RPN1: variants seen among roughly 807,000 people sequenced by gnomAD.
RPN1 encodes dolichyl-diphosphooligosaccharide--protein glycosyltransferase subunit 1.
RPN1 carries 12 observed loss-of-function variants against 55.5 expected under a neutral mutation model. The ratio of observed to expected loss-of-function variants is 0.22; its 90% CI spans 0.14 to 0.35. The LOEUF is 0.35. RPN1 is among the 10% of genes least tolerant of loss of function. The pLI, the probability that RPN1 is intolerant of heterozygous loss-of-function variation, is 1.00. For missense variants in RPN1, 679 were observed against 761.3 expected, an observed-to-expected ratio of 0.89 and a Z score of 1.27; for synonymous variants, 317 against 305.9, an observed-to-expected ratio of 1.04 and a Z score of -0.38.
intron 3 of RPN1, among the ~76,000 whole-genome samples, chr3:128,635,306 ATT>A (rs1014479031): frequency 1.4e-5 from 2 of 146,604 alleles, no homozygotes; most frequent in Non-Finnish European, 1.5e-5. Flanking sequence ...ATTCTCTATT[ATT>A]TTTTTTTTTT....
At chr3:128,636,723 A>T (rs1321878899) in intron 3 of RPN1, among the ~76,000 whole-genome samples, 1 of 152,022 alleles carries the variant, frequency 6.6e-6, no homozygotes, top group African/African-American at 2.4e-5. Context: ...CCAGCTTATT[A>T]TTTTTTGTAA....
At chr3:128,627,521 A>C (rs2069608189) in intron 5 of RPN1, among the ~76,000 whole-genome samples, 1 of 152,220 alleles carries the variant, frequency 6.6e-6, no homozygotes, top group Non-Finnish European at 1.5e-5. Context: ...CTGTAATCCC[A>C]GTACTTTGGG....
Position 128,638,119 on chromosome 3 carries a change from A to G in RPN1, c.327-14T>C, listed in dbSNP as rs1404238546. On this transcript the variant is annotated splice_polypyrimidine_tract_variant and intron_variant, in intron 2 of 9. Coordinates refer to ENST00000296255, the MANE Select transcript of RPN1 (RefSeq NM_002950.4). Reference sequence around the variant, plus strand: ...AAGAATCTCCCACTAAAGGAAGAACAAGGCAAGAGAAGTAAGAGAGACTGA... The same window carrying G: ...AAGAATCTCCCACTAAAGGAAGAACGAGGCAAGAGAAGTAAGAGAGACTGA... 2 of 1,599,756 alleles carry G rather than the reference A, an allele frequency of 1.3e-6. No homozygotes were observed. The highest frequency in any genetic ancestry group is 3.4e-5 in the Admixed American group (2 of 59,596).
rs2069646291 is a variant in RPN1 at position 128,632,057 on chromosome 3, T to C, written c.734A>G (p.Glu245Gly). ...TGTGTGCTTTAAGTCCACATTTTCTTCCACAGCAATATTACCCCAGTGAGA... is the reference window on the plus strand; with the variant it reads ...TGTGTGCTTTAAGTCCACATTTTCTCCCACAGCAATATTACCCCAGTGAGA... Reference protein sequence around the residue: ...EVSHWGNIAVEENVDLKHTGA... With the variant: ...EVSHWGNIAVGENVDLKHTGA... The change falls in exon 4 of 10, where the codon GAA becomes GGA. Residue 245 changes from glutamate (E) to glycine (G), a missense_variant. Glu to Gly is a moderately conservative substitution (Grantham distance 98). This residue lies in a region of RPN1 where 352 missense variants were observed against 352.8 expected (regional missense o/e 1.00). Transcript: ENST00000296255. 2 of 1,614,038 alleles carry C rather than the reference T, an allele frequency of 1.2e-6. No homozygotes were observed. The highest frequency in any genetic ancestry group is 1.7e-6 in the Non-Finnish European group (2 of 1,180,044).
Position 128,622,355 on chromosome 3 carries a change from T to A in RPN1, c.1450A>T (p.Thr484Ser). 6.2e-7 allele frequency: 1 copy of A among 1,614,102 alleles called. No homozygotes were observed. Reference sequence around the variant, plus strand: ...AGGCCTATTCTCTTGTTGACCAGGGTCAAGACCTGCTCTGTGATGCAGGCT... The same window carrying A: ...AGGCCTATTCTCTTGTTGACCAGGGACAAGACCTGCTCTGTGATGCAGGCT... Reference protein sequence around the residue: ...KVACITEQVLTLVNKRIGLYR... With the variant: ...KVACITEQVLSLVNKRIGLYR... The change falls in exon 9 of 10, where the codon ACC (threonine) becomes TCC (serine). Residue 484 changes from threonine to serine, a missense_variant. This residue lies in a region of RPN1 where 306 missense variants were observed against 360.0 expected (regional missense o/e 0.85). Coordinates refer to ENST00000296255, the MANE Select transcript of RPN1 (RefSeq NM_002950.4).
intron 1 of RPN1, among the ~76,000 whole-genome samples, chr3:128,645,505 C>T (rs1403726974): frequency 2.0e-5 from 3 of 151,488 alleles, no homozygotes; most frequent in African/African-American, 7.3e-5. Context: ...GCTATAAATG[C>T]GTAACATTTT....
At chr3:128,628,412 T>C (rs79499290) in intron 5 of RPN1, among the ~76,000 whole-genome samples, 1,237 of 123,422 alleles carry the variant, frequency 0.01, no homozygotes, top group Middle Eastern at 0.021. Context: ...TAACAACAAA[T>C]AATAATGCTT....
At chr3:128,639,910 G>A (rs6802078) in intron 2 of RPN1, among the ~76,000 whole-genome samples, 31,083 of 152,060 alleles carry the variant, frequency 0.2, 3,457 homozygotes, top group East Asian at 0.41. Context: ...TAAGGAGCTT[G>A]TATCATCCTC....
chr3:128,644,963 T>G lies in RPN1; in HGVS notation c.282A>C (p.Glu94Asp), dbSNP rs754166351. Reference sequence around the variant, plus strand: ...TTTCACGTACTTCCAAATTGTTCTCTTCCTCATCTTCTCCCTTTACCTACA... The same window carrying G: ...TTTCACGTACTTCCAAATTGTTCTCGTCCTCATCTTCTCCCTTTACCTACA... Reference protein sequence around the residue: ...LGVQVKGEDEEENNLEVRETK... With the variant: ...LGVQVKGEDEDENNLEVRETK... Residue 94 changes from glutamate (E) to aspartate (D), a missense_variant, in exon 2 of 10, where the codon GAA becomes GAC. Coordinates refer to ENST00000296255, the MANE Select transcript of RPN1 (RefSeq NM_002950.4). 1 of 1,577,610 alleles carries G rather than the reference T, an allele frequency of 6.3e-7. No individual in the cohort carries two copies. The highest frequency in any genetic ancestry group is 1.1e-5 in the South Asian group (1 of 90,290).
intron 6 of RPN1, among the ~76,000 whole-genome samples, chr3:128,626,466 C>G (rs547936538): frequency 6.6e-6 from 1 of 152,224 alleles, no homozygotes; most frequent in Admixed American, 6.5e-5. Flanking sequence ...GTCCCTTCTC[C>G]TGGTAAACAG....
chr3:128,626,932 C>A, intron 5 of RPN1, 100 bp from the exon 6 acceptor site: 3 of 1,078,736 alleles, frequency 2.8e-6, no homozygotes, highest in South Asian at 1.3e-5. Flanking sequence ...AGCAAGTAGA[C>A]AGCAAAACCA....
rs187167614 is a variant in RPN1, at chr3:128,645,590, G to A, written c.262-607C>T. Among the ~76,000 whole-genome samples, 25 of 152,130 alleles carry A rather than the reference G, an allele frequency of 1.6e-4. 2 individuals are homozygous for A. The highest frequency in any genetic ancestry group is 7.7e-4 in the East Asian group (4 of 5,172). ...TCCCAACACTTTGGGAGGCTGAGGCGGGAGGATCACCAGGTCAGGAGTTTG... is the reference window on the plus strand; with the variant it reads ...TCCCAACACTTTGGGAGGCTGAGGCAGGAGGATCACCAGGTCAGGAGTTTG... On this transcript the variant is annotated intron_variant, in intron 1 of 9. Transcript: ENST00000296255.
At chr3:128,647,722 T>C (rs1405586041) in intron 1 of RPN1, among the ~76,000 whole-genome samples, 2 of 150,992 alleles carry the variant, frequency 1.3e-5, no homozygotes, top group African/African-American at 2.4e-5. Context: ...AACATTCTAG[T>C]ATATGTGTGT....
intron 9 of RPN1, among the ~76,000 whole-genome samples, chr3:128,621,478 A>T (rs1295722200): frequency 6.6e-6 from 1 of 152,202 alleles, no homozygotes; most frequent in Non-Finnish European, 1.5e-5. Flanking sequence ...TGGGCGACAG[A>T]GTGAAACCCT....
chr3:128,638,305 TCCACCTCTTGGGTTCAAGCGATTCTCCTG>T (rs1329429932), intron 2 of RPN1, among the ~76,000 whole-genome samples, 200 bp from the exon 3 acceptor site: 2 of 152,140 alleles, frequency 1.3e-5, no homozygotes, highest in African/African-American at 2.4e-5. Context: ...CACCACAACC[TCCACCTCTTGGGTTCAAGCGATTCTCCTG>T]CCTCAACCTC....
intron 1 of RPN1, among the ~76,000 whole-genome samples, chr3:128,647,449 C>G (rs569065690): frequency 2.6e-5 from 4 of 152,096 alleles, no homozygotes; most frequent in Non-Finnish European, 5.9e-5. Flanking sequence ...GTAATCCCAA[C>G]ACTTTGGGAG....
intron 4 of RPN1, 33 bp from the exon 5 acceptor site, chr3:128,630,176 C>T: frequency 6.8e-7 from 1 of 1,479,180 alleles, no homozygotes; most frequent in East Asian, 2.3e-5. Context: ...TTCTAAAACT[C>T]CAGGAACCAG....
chr3:128,625,835 G>A (rs201990092), intron 7 of RPN1, 39 bp downstream of exon 7: 5 of 1,590,860 alleles, frequency 3.1e-6, no homozygotes, highest in Admixed American at 1.7e-5. Flanking sequence ...CCACTGTCTG[G>A]GGAAGACGCC....
At chr3:128,626,419 AG>A (rs2069600515) in intron 6 of RPN1, among the ~76,000 whole-genome samples, 1 of 152,160 alleles carries the variant, frequency 6.6e-6, no homozygotes, top group Admixed American at 6.6e-5. Context: ...CTTACGGGGC[AG>A]GGGACATGTC....
Sources: allele counts gnomAD v4.1 joint callset (sites outside exome capture counted in the v4.1 genomes callset), GRCh38; gene constraint gnomAD v4.1.1; regional missense constraint gnomAD v4.1.1; transcripts MANE v1.5; gene names NCBI Gene and HGNC (gene_info 2026-07-23, HGNC 2026-07-21).